DNAH8: variants seen among roughly 807,000 people sequenced by gnomAD.
DNAH8 encodes the protein dynein axonemal heavy chain 8.
Under a neutral mutation model 562.1 loss-of-function variants are expected in DNAH8, and 382 were observed. The ratio of observed to expected loss-of-function variants is 0.68; its 90% CI spans 0.63 to 0.74. The LOEUF (loss-of-function observed/expected upper bound fraction) is 0.74. DNAH8 is among the 30% of genes least tolerant of loss of function. The pLI is 0.00. For missense variants in DNAH8, 5,203 were observed against 5,620.4 expected (o/e 0.93, Z 2.37); for synonymous variants, 1,881 against 1,919.4 (o/e 0.98, Z 0.52).
intron 28 of DNAH8, among the ~76,000 whole-genome samples, chr6:38,824,805 T>G (rs1773164352): frequency 6.6e-6 from 1 of 152,032 alleles, no homozygotes; most frequent in African/African-American, 2.4e-5. Context: ...TTAAATATTA[T>G]TATTATATCT....
chr6:38,863,955 A>G lies in DNAH8; in HGVS notation c.6393A>G (p.Gln2131=). 3.1e-6 allele frequency: 5 copies of G among 1,613,124 alleles called. No individual in the cohort carries two copies. Among genetic ancestry groups the G allele is most frequent in the Non-Finnish European group, 4.2e-6 (5 of 1,179,834 alleles). The change falls in exon 45 of 93, where the codon CAA becomes CAG. Residue 2131 remains glutamine, a synonymous_variant. Coordinates refer to ENST00000327475, the MANE Select transcript of DNAH8 (RefSeq NM_001206927.2). ...ELPVLSVAAQ[Q]IYIVLTARKE... is the part of the protein sequence containing the mutation. ...CTGTATTATCAGTGGCAGCACAACAAATTTATATTGTTTTGACAGCAAGAA... is the reference window on the plus strand; with the variant it reads ...CTGTATTATCAGTGGCAGCACAACAGATTTATATTGTTTTGACAGCAAGAA...
chr6:38,872,184 C>T (rs946466795), intron 49 of DNAH8, among the ~76,000 whole-genome samples: 1 of 152,202 alleles, frequency 6.6e-6, no homozygotes, highest in African/African-American at 2.4e-5. Flanking sequence ...GGGGCGATAT[C>T]ATCACATTGG....
rs1763545066 is a variant in DNAH8 at position 38,974,470 on chromosome 6, A to T, written c.12775A>T (p.Asn4259Tyr). The change falls in exon 85 of 93, where the codon AAT (asparagine) becomes TAT (tyrosine). Residue 4259 changes from asparagine to tyrosine, a missense_variant. By Grantham distance (143) the Asn-to-Tyr change is moderately radical. Coordinates refer to ENST00000327475, the MANE Select transcript of DNAH8 (RefSeq NM_001206927.2). ...TAATCAAGACCTTCTGGACATCAGTAATTTACCCATGTGGAAGCCGATGCT... is the reference window on the plus strand; with the variant it reads ...TAATCAAGACCTTCTGGACATCAGTTATTTACCCATGTGGAAGCCGATGCT... ...GINQDLLDIS[N>Y]LPMWKPMLYT... 6.2e-7 allele frequency: 1 copy of T among 1,613,786 alleles called. No individual in the cohort carries two copies. The highest frequency in any genetic ancestry group is 8.5e-7 in the Non-Finnish European group (1 of 1,179,746).
chr6:38,732,526 A>G (rs952294057), intron 4 of DNAH8, among the ~76,000 whole-genome samples: 6 of 152,198 alleles, frequency 3.9e-5, no homozygotes, highest in African/African-American at 1.4e-4. Flanking sequence ...TCTGGCTTAT[A>G]TGAGTGGAAA....
chr6:39,001,834 G>A (rs1429395820), intron 88 of DNAH8, among the ~76,000 whole-genome samples: 3 of 152,178 alleles, frequency 2.0e-5, no homozygotes, highest in Admixed American at 6.5e-5. Context: ...GGAGGTGATG[G>A]CAGTGCCGCA....
chr6:38,779,578 C>T (rs1768388773), intron 14 of DNAH8, among the ~76,000 whole-genome samples: 1 of 152,156 alleles, frequency 6.6e-6, no homozygotes, highest in South Asian at 2.1e-4. Flanking sequence ...TTAACACTGG[C>T]AGAGGGAGAG....
At chr6:38,759,567 A>G (rs1236771799) in intron 10 of DNAH8, among the ~76,000 whole-genome samples, 1 of 152,166 alleles carries the variant, frequency 6.6e-6, no homozygotes, top group Non-Finnish European at 1.5e-5. Context: ...TAGTTCTGAC[A>G]ATGATTCTTT....
intron 21 of DNAH8, among the ~76,000 whole-genome samples, chr6:38,797,871 A>C (rs1273619403): frequency 6.6e-6 from 1 of 152,124 alleles, no homozygotes; most frequent in Non-Finnish European, 1.5e-5. Flanking sequence ...TCAAGCCTAC[A>C]GCTTTTTTTC....
At chr6:38,961,777 A>G (rs756746556) in intron 82 of DNAH8, among the ~76,000 whole-genome samples, 14 of 152,058 alleles carry the variant, frequency 9.2e-5, no homozygotes, top group African/African-American at 2.2e-4. Context: ...TTAAAGTCAG[A>G]TACAGATGTC....
intron 21 of DNAH8, among the ~76,000 whole-genome samples, chr6:38,800,417 C>G (rs898144096): frequency 2.0e-5 from 3 of 152,066 alleles, no homozygotes; most frequent in Non-Finnish European, 4.4e-5. Flanking sequence ...TATTATTTGT[C>G]TTTTTGGTGA....
chr6:38,991,513 T>G (rs1764786995), intron 88 of DNAH8, among the ~76,000 whole-genome samples: 1 of 152,226 alleles, frequency 6.6e-6, no homozygotes, highest in African/African-American at 2.4e-5. Flanking sequence ...TTTAAAAATG[T>G]GAGTCAGACC....
intron 5 of DNAH8, among the ~76,000 whole-genome samples, chr6:38,735,688 A>G (rs954483723): frequency 6.6e-6 from 1 of 152,202 alleles, no homozygotes; most frequent in Non-Finnish European, 1.5e-5. Context: ...ATAAAGAGAG[A>G]AAAAGTCCTT....
chr6:38,980,117 C>T (rs1763928553), intron 85 of DNAH8, among the ~76,000 whole-genome samples: 1 of 152,120 alleles, frequency 6.6e-6, no homozygotes, highest in Non-Finnish European at 1.5e-5. Context: ...ATTCCAAACA[C>T]TGGGTGAGCC....
At chr6:38,981,251 G>A (rs184948628) in intron 85 of DNAH8, among the ~76,000 whole-genome samples, 1 of 152,254 alleles carries the variant, frequency 6.6e-6, no homozygotes, top group East Asian at 1.9e-4. Flanking sequence ...CTGATTATGT[G>A]TTGCGATAGG....
Position 38,807,735 on chromosome 6 carries a change from A to G in DNAH8, c.3257+19A>G, listed in dbSNP as rs1486380878. ...TTGCAAGGCAAGTTGAAAATATGCT[A>G]ATTATGTCTGGTAATCATACTTATA... On this transcript the variant is annotated intron_variant, in intron 24 of 92. Transcript: ENST00000327475. 2 of 1,378,210 alleles carry G rather than the reference A, an allele frequency of 1.5e-6. No individual in the cohort carries two copies. 85.4% of individuals were successfully genotyped at this position (1,378,210 alleles called of 1,614,324 possible).
At chr6:38,874,745 C>T (rs1777857384) in intron 52 of DNAH8, among the ~76,000 whole-genome samples, 1 of 152,134 alleles carries the variant, frequency 6.6e-6, no homozygotes, top group African/African-American at 2.4e-5. Flanking sequence ...TCTTCAAGGG[C>T]TCTCCTAATT....
At position 38,932,076 on chromosome 6, in the gene DNAH8, GA is replaced by G. The variant is rs200786194; in HGVS notation, c.11457+92del. 1.3e-4 allele frequency: 140 copies of G among 1,076,476 alleles called. 1 individual carries two copies. The highest frequency in any genetic ancestry group is 4.7e-4 in the Admixed American group (14 of 30,010). 66.7% of individuals were successfully genotyped at this position (1,076,476 alleles called of 1,614,324 possible). ...GAGAAATTGCTAAGTATGTGAAAAA[GA>G]AAAAAAAATTTAAAAACCATATTTA... On this transcript the variant is annotated intron_variant, in intron 76 of 92. Coordinates refer to ENST00000327475, the MANE Select transcript of DNAH8 (RefSeq NM_001206927.2).
chr6:38,851,537 A>G lies in DNAH8; in HGVS notation c.5364-35A>G, dbSNP rs761449346. 7.2e-6 allele frequency: 10 copies of G among 1,388,018 alleles called. No individual in the cohort carries two copies. The East Asian group carries it at 2.3e-4, about 32-fold the overall frequency. 86.0% of individuals were successfully genotyped at this position (1,388,018 alleles called of 1,614,324 possible). On this transcript the variant is annotated intron_variant, in intron 38 of 92. Transcript: ENST00000327475. ...AAAATAATAATTTAGGGGAAAAAAA[A>G]CCACTTGGTAACATACTGTCGACTT...
At chr6:38,847,090 G>A (rs1199419203) in intron 36 of DNAH8, among the ~76,000 whole-genome samples, 1 of 152,088 alleles carries the variant, frequency 6.6e-6, no homozygotes, top group Non-Finnish European at 1.5e-5. Context: ...GACTTCAGAA[G>A]GAAGCTGTAT....
Sources: allele counts gnomAD v4.1 joint callset (sites outside exome capture counted in the v4.1 genomes callset), GRCh38; gene constraint gnomAD v4.1.1; transcripts MANE v1.5; gene names NCBI Gene and HGNC (gene_info 2026-07-23, HGNC 2026-07-21).